The following OVCH1 variants were observed in gnomAD, a reference collection of about 807,000 sequenced individuals.
OVCH1 encodes ovochymase-1.
A neutral mutation model predicts 138.4 loss-of-function variants in OVCH1; 139 were observed. That is an observed-to-expected ratio of 1.00 (90% CI 0.87 to 1.16). The LOEUF (loss-of-function observed/expected upper bound fraction) is 1.16, where lower values mean the gene tolerates loss of function less well. Among genes scored for constraint, OVCH1 ranks in the 50% most tolerant of loss-of-function variants. The pLI is 0.00. For synonymous variants in OVCH1, 453 were observed against 467.8 expected (o/e 0.97, Z 0.41); for missense variants, 1,367 against 1,357.9 (o/e 1.01, Z -0.11).
the OVCH1 span, among the ~76,000 whole-genome samples, chr12:29,405,036 AAAAAAAAAAAAAAAAAAAAAC>A: frequency 1.0e-4 from 13 of 130,100 alleles, no homozygotes; most frequent in Admixed American, 3.1e-4. Flanking sequence ...AAAAAAAAAA[AAAAAAAAAAAAAAAAAAAAAC>A]AAAAGAAATG....
At chr12:29,435,116 C>A (rs1300703471) in intron 26 of OVCH1, among the ~76,000 whole-genome samples, 1 of 152,162 alleles carries the variant, frequency 6.6e-6, no homozygotes, top group African/African-American at 2.4e-5. Context: ...TCCACAGTGG[C>A]CAAATTTATA....
At chr12:29,485,949 T>TAAATA (rs1262696941) in intron 8 of OVCH1, among the ~76,000 whole-genome samples, 13 of 133,496 alleles carry the variant, frequency 9.7e-5, no homozygotes, top group Admixed American at 2.4e-4. Flanking sequence ...CATCTCAAAA[T>TAAATA]AAATAAAATA....
At chr12:29,487,663 G>T in intron 7 of OVCH1, 30 bp downstream of exon 7, 2 of 1,548,936 alleles carry the variant, frequency 1.3e-6, no homozygotes, top group Non-Finnish European at 1.8e-6. Context: ...CTTGAGTTAG[G>T]ATGAGATGAG....
chr12:29,448,002 A>T (rs964534874), intron 22 of OVCH1, among the ~76,000 whole-genome samples: 1 of 151,578 alleles, frequency 6.6e-6, no homozygotes, highest in African/African-American at 2.4e-5. Context: ...AAAAAATCAT[A>T]ATGTGTTAGA....
downstream of OVCH1, among the ~76,000 whole-genome samples, chr12:29,411,067 C>A (rs766030813): frequency 7.2e-6 from 1 of 138,210 alleles, no homozygotes; most frequent in African/African-American, 2.5e-5. Context: ...CATCTTCCAT[C>A]GCTGATACCC....
At chr12:29,457,463 G>T (rs1036484116) in intron 19 of OVCH1, among the ~76,000 whole-genome samples, 11 of 133,532 alleles carry the variant, frequency 8.2e-5, no homozygotes, top group Non-Finnish European at 1.7e-4. Flanking sequence ...GAGTGCAGTG[G>T]TGTGATCTCG....
chr12:29,438,815 T>A (rs534065376), intron 26 of OVCH1, among the ~76,000 whole-genome samples: 1 of 152,224 alleles, frequency 6.6e-6, no homozygotes, highest in Admixed American at 6.5e-5. Context: ...GTAGAAAATC[T>A]TAATATATAA....
chr12:29,487,628 A>G, intron 7 of OVCH1, 65 bp downstream of exon 7: 2 of 1,418,820 alleles, frequency 1.4e-6, no homozygotes, highest in Non-Finnish European at 1.9e-6. Context: ...TTCTGATAAT[A>G]TCGCAACATA....
chr12:29,455,428 T>A (rs11050237), intron 19 of OVCH1, 23 bp from the exon 20 acceptor site: 212,942 of 1,579,060 alleles, frequency 0.13, 14,938 homozygotes, highest in African/African-American at 0.14. Context: ...GAAAACATGT[T>A]TTAGAAAACT....
At chr12:29,421,732 T>C (rs1941107395) in intron 3 of OVCH1, among the ~76,000 whole-genome samples, 1 of 152,156 alleles carries the variant, frequency 6.6e-6, no homozygotes, top group African/African-American at 2.4e-5. Flanking sequence ...AAAGAAATTC[T>C]CCAGGAAATA....
chr12:29,423,453 C>T (rs528401156), downstream of OVCH1, among the ~76,000 whole-genome samples: 1 of 152,206 alleles, frequency 6.6e-6, no homozygotes, highest in East Asian at 1.9e-4. Context: ...GGATGGAACT[C>T]ATGATTTGAG....
intron 4 of OVCH1, among the ~76,000 whole-genome samples, chr12:29,494,567 A>G (rs777586633): frequency 1.6e-4 from 25 of 152,284 alleles, no homozygotes; most frequent in Admixed American, 1.3e-4. Context: ...CAAAATATGG[A>G]CTTAAGTTGT....
chr12:29,465,259 C>T (rs1942276347), intron 16 of OVCH1, 40 bp from the exon 17 acceptor site: 1 of 1,517,072 alleles, frequency 6.6e-7, no homozygotes. Context: ...CATGAAAACA[C>T]ATTTGTATTA....
intron 6 of OVCH1, 39 bp downstream of exon 6, chr12:29,489,581 C>T: frequency 1.9e-6 from 3 of 1,555,124 alleles, no homozygotes; most frequent in Middle Eastern, 1.7e-4. Context: ...CTTTCACCCA[C>T]ATGTTACTGA....
chr12:29,406,947 C>T, the OVCH1 span, among the ~76,000 whole-genome samples: 2 of 144,980 alleles, frequency 1.4e-5, no homozygotes, highest in East Asian at 4.0e-4. Flanking sequence ...TCCTATTTCT[C>T]CACATCCTCT....
chr12:29,479,814 T>TC (rs1327706105), intron 8 of OVCH1, among the ~76,000 whole-genome samples: 16 of 130,090 alleles, frequency 1.2e-4, no homozygotes, highest in Middle Eastern at 4.5e-3. Flanking sequence ...AATTGGCAAC[T>TC]CTTTTTTTTC....
At chr12:29,405,949 G>A in the OVCH1 span, among the ~76,000 whole-genome samples, 47,070 of 152,064 alleles carry the variant, frequency 0.31, 8,600 homozygotes, top group Middle Eastern at 0.52. Flanking sequence ...AATACAGTAG[G>A]AGTGAAACCA....
chr12:29,441,386 A>T (rs1295509743), intron 25 of OVCH1, among the ~76,000 whole-genome samples: 1 of 152,222 alleles, frequency 6.6e-6, no homozygotes, highest in African/African-American at 2.4e-5. Flanking sequence ...TCCCTATTTA[A>T]TAAATGGTGC....
chr12:29,493,999 C>T (rs1943343737), intron 4 of OVCH1, among the ~76,000 whole-genome samples: 1 of 152,202 alleles, frequency 6.6e-6, no homozygotes, highest in South Asian at 2.1e-4. Flanking sequence ...AAAATTTTGC[C>T]TTGGAGTTTT....
Sources: gnomAD v4.1 joint callset for allele counts (sites outside exome capture counted in the v4.1 genomes callset) on GRCh38, gnomAD v4.1.1 for gene constraint, MANE v1.5 for transcripts, NCBI Gene and HGNC (gene_info 2026-07-23, HGNC 2026-07-21) for gene names.